PPARGC1A: variants seen among roughly 807,000 people sequenced by gnomAD.
PPARGC1A encodes the protein peroxisome proliferator-activated receptor gamma coactivator 1-alpha.
A neutral mutation model predicts 88.7 loss-of-function variants in PPARGC1A; 25 were observed. That is an observed-to-expected ratio of 0.28 (90% CI 0.21 to 0.39). The LOEUF (loss-of-function observed/expected upper bound fraction) is 0.39. PPARGC1A is among the 10% of genes least tolerant of loss of function. The pLI is 1.00. For missense variants in PPARGC1A, 880 were observed against 968.7 expected, an observed-to-expected ratio of 0.91 and a Z score of 1.22; for synonymous variants, 363 against 355.6, an observed-to-expected ratio of 1.02 and a Z score of -0.24.
At chr4:24,255,298 T>C in the PPARGC1A span, among the ~76,000 whole-genome samples, 4 of 152,324 alleles carry the variant, frequency 2.6e-5, no homozygotes, top group African/African-American at 7.2e-5. Context: ...TGTGATACTA[T>C]TATGCATTTC....
At chr4:24,051,431 GTC>G in the PPARGC1A span, among the ~76,000 whole-genome samples, 7 of 152,088 alleles carry the variant, frequency 4.6e-5, no homozygotes, top group African/African-American at 1.7e-4. Flanking sequence ...ACTCTATGTA[GTC>G]TCTCTTTACA....
At chr4:24,167,282 A>G in the PPARGC1A span, among the ~76,000 whole-genome samples, 5 of 152,352 alleles carry the variant, frequency 3.3e-5, 1 homozygote, top group African/African-American at 1.2e-4. Context: ...CTGAATTGCT[A>G]CAATCTCATG....
the PPARGC1A span, among the ~76,000 whole-genome samples, chr4:23,953,386 CTAG>C: frequency 6.6e-6 from 1 of 151,980 alleles, no homozygotes; most frequent in South Asian, 2.1e-4. Context: ...GAATAAATGT[CTAG>C]TAGAAGGTAT....
the PPARGC1A span, among the ~76,000 whole-genome samples, chr4:23,921,967 A>G: frequency 6.6e-6 from 1 of 152,228 alleles, no homozygotes; most frequent in Non-Finnish European, 1.5e-5. Context: ...CCATTCATTC[A>G]TTCATTCGTT....
chr4:24,039,904 A>T, the PPARGC1A span, among the ~76,000 whole-genome samples: 1 of 152,114 alleles, frequency 6.6e-6, no homozygotes, highest in Non-Finnish European at 1.5e-5. Flanking sequence ...GTCCAGTGTC[A>T]TTTCACTGTA....
chr4:23,856,139 C>T (rs1730151505), intron 2 of PPARGC1A, among the ~76,000 whole-genome samples: 1 of 152,132 alleles, frequency 6.6e-6, no homozygotes, highest in Non-Finnish European at 1.5e-5. Context: ...CTATTCCCAC[C>T]CCATAGAGCT....
At chr4:24,162,591 CTTT>C in the PPARGC1A span, among the ~76,000 whole-genome samples, 3 of 128,020 alleles carry the variant, frequency 2.3e-5, no homozygotes, top group African/African-American at 2.9e-5. Context: ...TCCTTACTTC[CTTT>C]TTTTTTTTTT....
the PPARGC1A span, among the ~76,000 whole-genome samples, chr4:24,467,153 CAAT>C: frequency 6.6e-6 from 1 of 151,584 alleles, no homozygotes; most frequent in Non-Finnish European, 1.5e-5. Flanking sequence ...GAAAAGCGAA[CAAT>C]GTTTTCCAGC....
the PPARGC1A span, among the ~76,000 whole-genome samples, chr4:24,240,805 C>A: frequency 1.4e-5 from 2 of 147,906 alleles, no homozygotes; most frequent in African/African-American, 4.9e-5. Flanking sequence ...GGGTAAGTAG[C>A]TTTTCAGCAG....
chr4:24,048,597 G>T, the PPARGC1A span, among the ~76,000 whole-genome samples: 1 of 152,154 alleles, frequency 6.6e-6, no homozygotes, highest in African/African-American at 2.4e-5. Context: ...CTTCAGACAG[G>T]ATTCAAGCCA....
chr4:23,929,056 G>A, the PPARGC1A span, among the ~76,000 whole-genome samples: 5 of 151,968 alleles, frequency 3.3e-5, no homozygotes, highest in African/African-American at 1.2e-4. Flanking sequence ...TGGGTTGATA[G>A]GTGCAGCAAA....
the PPARGC1A span, among the ~76,000 whole-genome samples, chr4:24,467,075 AG>A: frequency 2.8e-5 from 4 of 144,132 alleles, no homozygotes; most frequent in African/African-American, 7.6e-5. Context: ...AAAGAAAGAA[AG>A]AAAGGGAGAG....
At chr4:24,412,737 C>T in the PPARGC1A span, among the ~76,000 whole-genome samples, 1 of 152,220 alleles carries the variant, frequency 6.6e-6, no homozygotes, top group African/African-American at 2.4e-5. Flanking sequence ...GCCTTGGCCT[C>T]CCAAAGCGTT....
At chr4:24,178,374 A>G in the PPARGC1A span, among the ~76,000 whole-genome samples, 2 of 152,188 alleles carry the variant, frequency 1.3e-5, no homozygotes, top group Non-Finnish European at 2.9e-5. Context: ...GCATATGGCG[A>G]TTGGTATTTT....
At chr4:24,416,719 T>C in the PPARGC1A span, among the ~76,000 whole-genome samples, 1 of 152,024 alleles carries the variant, frequency 6.6e-6, no homozygotes, top group African/African-American at 2.4e-5. Flanking sequence ...CTGGAAGTGA[T>C]AGATGAAGCC....
the PPARGC1A span, among the ~76,000 whole-genome samples, chr4:23,986,532 C>A: frequency 1.3e-5 from 2 of 152,072 alleles, no homozygotes; most frequent in African/African-American, 4.8e-5. Context: ...CTTTTTCCTG[C>A]AAGAGGTAGA....
chr4:23,927,292 G>T, the PPARGC1A span, among the ~76,000 whole-genome samples: 3 of 152,106 alleles, frequency 2.0e-5, no homozygotes, highest in Non-Finnish European at 4.4e-5. Context: ...CCATCATAAA[G>T]TCAAAAAATC....
chr4:24,324,259 C>A, the PPARGC1A span, among the ~76,000 whole-genome samples: 1 of 151,990 alleles, frequency 6.6e-6, no homozygotes, highest in African/African-American at 2.4e-5. Context: ...GGGGCAGGGG[C>A]AAGTACCCCT....
chr4:23,918,496 G>A, the PPARGC1A span, among the ~76,000 whole-genome samples: 1 of 152,098 alleles, frequency 6.6e-6, no homozygotes, highest in African/African-American at 2.4e-5. Context: ...TGGGAATACA[G>A]GTGTGAGCCA....
Sources: gnomAD v4.1 joint callset for allele counts (sites outside exome capture counted in the v4.1 genomes callset) on GRCh38, gnomAD v4.1.1 for gene constraint, MANE v1.5 for transcripts, NCBI Gene and HGNC (gene_info 2026-07-23, HGNC 2026-07-21) for gene names.